PCGF6: variants seen among roughly 807,000 people sequenced by gnomAD.
PCGF6 encodes polycomb group ring finger 6.
In PCGF6, 24 loss-of-function variants were observed where a neutral mutation model predicts 45.5. The observed-to-expected ratio is 0.53, with a 90% CI of 0.38 to 0.74. PCGF6 has a LOEUF of 0.74. Among genes scored for constraint, PCGF6 ranks in the 30% least tolerant of loss-of-function variants. The pLI is 0.00. For missense variants in PCGF6, 356 were observed against 443.2 expected, an observed-to-expected ratio of 0.80 and a Z score of 1.77; for synonymous variants, 152 against 162.1, an observed-to-expected ratio of 0.94 and a Z score of 0.47.
intron 9 of PCGF6, among the ~76,000 whole-genome samples, chr10:103,313,308 TA>T (rs2093163914): frequency 6.6e-6 from 1 of 152,222 alleles, no homozygotes; most frequent in South Asian, 2.1e-4. Flanking sequence ...CTCACCCCTG[TA>T]ATCCCAGCCC....
intron 8 of PCGF6, among the ~76,000 whole-genome samples, chr10:103,315,124 T>G (rs1412361037): frequency 1.1e-4 from 16 of 152,144 alleles, no homozygotes. Context: ...GAAACTGTTT[T>G]GTAGATGGAA....
chr10:103,306,077 A>G (rs1175829435), intron 9 of PCGF6, among the ~76,000 whole-genome samples: 1 of 119,870 alleles, frequency 8.3e-6, no homozygotes, highest in African/African-American at 3.1e-5. Flanking sequence ...GGCTCTCACC[A>G]AGGCTGCATC....
At chr10:103,325,152 A>T (rs1290079415) in intron 8 of PCGF6, among the ~76,000 whole-genome samples, 1 of 146,518 alleles carries the variant, frequency 6.8e-6, no homozygotes, top group Non-Finnish European at 1.5e-5. Flanking sequence ...TAAATAAAAT[A>T]AAATAAAATA....
chr10:103,342,166 TCTCAAGTGATCCGCCCACCTCGGCCTC>T, intron 6 of PCGF6, among the ~76,000 whole-genome samples: 1 of 151,756 alleles, frequency 6.6e-6, no homozygotes, highest in Non-Finnish European at 1.5e-5. Flanking sequence ...AAACTCCTAA[TCTCAAGTGATCCGCCCACCTCGGCCTC>T]CTCAAGTGCT....
intron 8 of PCGF6, among the ~76,000 whole-genome samples, chr10:103,315,642 A>G (rs920837568): frequency 2.0e-5 from 3 of 152,054 alleles, no homozygotes; most frequent in African/African-American, 7.2e-5. Flanking sequence ...TACAGGCGTG[A>G]GCCACCGTGC....
At chr10:103,308,033 CA>C (rs1202779809) in intron 9 of PCGF6, among the ~76,000 whole-genome samples, 2 of 152,066 alleles carry the variant, frequency 1.3e-5, no homozygotes, top group African/African-American at 4.8e-5. Context: ...GTCAGGAGTT[CA>C]AGACCGGCCT....
chr10:103,323,614 TAG>T (rs985322282), intron 8 of PCGF6, among the ~76,000 whole-genome samples: 65 of 150,232 alleles, frequency 4.3e-4, no homozygotes, highest in African/African-American at 1.4e-3. Context: ...TTTTTTGATA[TAG>T]AGTCTCCCTC....
intron 8 of PCGF6, among the ~76,000 whole-genome samples, chr10:103,314,783 C>T (rs1161132369): frequency 6.6e-6 from 1 of 151,626 alleles, no homozygotes; most frequent in African/African-American, 2.4e-5. Flanking sequence ...AACCCTGTCT[C>T]TACTAAAAAT....
intron 8 of PCGF6, among the ~76,000 whole-genome samples, chr10:103,318,381 T>C (rs1231756272): frequency 7.1e-6 from 1 of 140,202 alleles, no homozygotes; most frequent in Non-Finnish European, 1.5e-5. Flanking sequence ...AGTCAGAAGT[T>C]GTAGTGAACC....
intron 7 of PCGF6, among the ~76,000 whole-genome samples, chr10:103,330,410 T>A (rs1057421060): frequency 2.6e-5 from 4 of 152,138 alleles, no homozygotes; most frequent in Admixed American, 2.0e-4. Context: ...CATTTTTATA[T>A]CCCCAAAATG....
chr10:103,310,958 C>T (rs1258054345), intron 9 of PCGF6, among the ~76,000 whole-genome samples: 1 of 152,070 alleles, frequency 6.6e-6, no homozygotes, highest in Admixed American at 6.6e-5. Flanking sequence ...GCCTCAGCCT[C>T]CCCAGGTAAC....
At chr10:103,315,585 T>C (rs111776557) in intron 8 of PCGF6, among the ~76,000 whole-genome samples, 3,936 of 152,210 alleles carry the variant, frequency 0.026, 174 homozygotes, top group African/African-American at 0.09. Context: ...GGTCTAGATC[T>C]CCTGACCTGA....
chr10:103,340,840 C>A (rs567126348), intron 6 of PCGF6, among the ~76,000 whole-genome samples: 1 of 152,250 alleles, frequency 6.6e-6, no homozygotes, highest in South Asian at 2.1e-4. Context: ...TGGACTCCAG[C>A]GGTTCTCCTA....
chr10:103,313,806 T>C (rs1371032768), intron 9 of PCGF6, among the ~76,000 whole-genome samples: 1 of 152,070 alleles, frequency 6.6e-6, no homozygotes. Context: ...GCCTTCAAAA[T>C]TGTATTATAG....
At chr10:103,331,450 GT>G (rs1217637130) in intron 7 of PCGF6, among the ~76,000 whole-genome samples, 1 of 152,054 alleles carries the variant, frequency 6.6e-6, no homozygotes. Context: ...TAGAGATAGA[GT>G]TTTGGCATGT....
intron 7 of PCGF6, 61 bp from the exon 8 acceptor site, chr10:103,326,693 A>ATG: frequency 8.4e-7 from 1 of 1,187,674 alleles, no homozygotes; most frequent in African/African-American, 1.5e-5. Flanking sequence ...TGCATGACGT[A>ATG]TGTGTATATA....
At chr10:103,311,349 C>T (rs888650685) in intron 9 of PCGF6, among the ~76,000 whole-genome samples, 3 of 151,802 alleles carry the variant, frequency 2.0e-5, no homozygotes, top group African/African-American at 7.3e-5. Context: ...AGGATGTTGG[C>T]CAGGCTGGTC....
chr10:103,338,268 G>A (rs1420207599), intron 6 of PCGF6, among the ~76,000 whole-genome samples: 1 of 151,266 alleles, frequency 6.6e-6, no homozygotes, highest in Non-Finnish European at 1.5e-5. Flanking sequence ...AACCGGTCAG[G>A]TGCAGTGGCT....
intron 9 of PCGF6, among the ~76,000 whole-genome samples, chr10:103,304,175 T>C (rs1036108026): frequency 1.3e-5 from 2 of 151,840 alleles, no homozygotes; most frequent in African/African-American, 4.8e-5. Context: ...CTCACTCTGT[T>C]GCCCAGGCTG....
Sources: gnomAD v4.1 joint callset for allele counts (sites outside exome capture counted in the v4.1 genomes callset) on GRCh38, gnomAD v4.1.1 for gene constraint, MANE v1.5 for transcripts, NCBI Gene and HGNC (gene_info 2026-07-23, HGNC 2026-07-21) for gene names.